The following FHIP1A variants were observed in gnomAD, a reference collection of about 807,000 sequenced individuals.
FHIP1A encodes the protein FHF complex subunit HOOK interacting protein 1A, also known as FHF complex subunit HOOK-interacting protein 1A.
FHIP1A carries 61 observed loss-of-function variants against 88.6 expected under a neutral mutation model. The observed-to-expected ratio is 0.69, with a 90% confidence interval of 0.56 to 0.85. The LOEUF (loss-of-function observed/expected upper bound fraction) is 0.85. FHIP1A is among the 40% of genes least tolerant of loss of function. The probability of loss-of-function intolerance (pLI) is 0.00; values close to 1 mark genes in which losing one functional copy is unlikely to be tolerated. For synonymous variants in FHIP1A, 478 were observed against 496.0 expected (o/e 0.96, Z 0.48); for missense variants, 1,154 against 1,273.5 (o/e 0.91, Z 1.43).
chr4:151,571,805 A>G (rs551204163), intron 4 of FHIP1A, among the ~76,000 whole-genome samples: 1 of 152,338 alleles, frequency 6.6e-6, no homozygotes, highest in Non-Finnish European at 1.5e-5. Context: ...CTCTCTTCCA[A>G]GACTTACAGG....
intron 4 of FHIP1A, among the ~76,000 whole-genome samples, chr4:151,572,791 C>T (rs1229823855): frequency 6.6e-6 from 1 of 152,086 alleles, no homozygotes; most frequent in African/African-American, 2.4e-5. Context: ...AAATAATTAC[C>T]TACTGATACA....
At chr4:151,437,348 T>C (rs1728241028) in intron 1 of FHIP1A, among the ~76,000 whole-genome samples, 1 of 152,130 alleles carries the variant, frequency 6.6e-6, no homozygotes, top group Non-Finnish European at 1.5e-5. Flanking sequence ...CTCCCAAGGA[T>C]GACCAAAAAT....
chr4:151,518,965 A>C (rs757196774), intron 3 of FHIP1A, among the ~76,000 whole-genome samples: 1 of 151,972 alleles, frequency 6.6e-6, no homozygotes, highest in Non-Finnish European at 1.5e-5. Context: ...GAGCCACCGC[A>C]CCTAGCTGCA....
Position 151,616,155 on chromosome 4 carries a change from G to A in FHIP1A, c.979-13547G>A, listed in dbSNP as rs190694195. ...GAATCAGTGGAAACTGAATTTGTAC[G>A]GCTGAGGATCTGTACTGCAGTTTCA... On this transcript the variant is annotated intron_variant, in intron 7 of 13. Coordinates refer to ENST00000435205, the MANE Select transcript of FHIP1A (RefSeq NM_001109977.3). 2.6e-5 allele frequency among the ~76,000 whole-genome samples: 4 copies of A among 152,290 alleles called. No homozygotes were observed. The East Asian group carries it at 5.8e-4, about 22-fold the overall frequency.
chr4:151,463,943 A>G (rs1729220805), intron 2 of FHIP1A, among the ~76,000 whole-genome samples: 1 of 152,160 alleles, frequency 6.6e-6, no homozygotes, highest in African/African-American at 2.4e-5. Flanking sequence ...TGATATCCAG[A>G]TCTTCCTACC....
chr4:151,504,863 G>C (rs535382071), intron 3 of FHIP1A, among the ~76,000 whole-genome samples: 100 of 152,184 alleles, frequency 6.6e-4, no homozygotes, highest in African/African-American at 2.4e-3. Flanking sequence ...GGTGATCCAC[G>C]CACCTCGGCC....
chr4:151,479,120 G>T (rs1255805152), intron 2 of FHIP1A, among the ~76,000 whole-genome samples: 1 of 152,072 alleles, frequency 6.6e-6, no homozygotes, highest in East Asian at 1.9e-4. Context: ...AGCTTTAGAA[G>T]GTTTGCTGTT....
In FHIP1A at chr4:151,527,618, TTTATTATTG is replaced by T. The variant is rs569636762; in HGVS notation, c.-122-38511_-122-38503del. Among the ~76,000 whole-genome samples, 509 of 152,232 alleles carry T rather than the reference TTTATTATTG, an allele frequency of 3.3e-3. 3 individuals are homozygous for T. The highest frequency in any genetic ancestry group is 0.012 in the African/African-American group (494 of 41,540). ...ACTTCTTAACTGCTGGAAAATTGAC[TTTATTATTG>T]TTATTATTTTTATTGGTAACACAGG... On this transcript the variant is annotated intron_variant, in intron 3 of 13. Coordinates refer to ENST00000435205, the MANE Select transcript of FHIP1A (RefSeq NM_001109977.3).
chr4:151,425,588 T>C (rs1733334316), intron 1 of FHIP1A, among the ~76,000 whole-genome samples: 1 of 152,246 alleles, frequency 6.6e-6, no homozygotes, highest in South Asian at 2.1e-4. Flanking sequence ...TTTTAGATTA[T>C]ATGATACTGT....
At chr4:151,568,152 C>T (rs978046373) in intron 4 of FHIP1A, among the ~76,000 whole-genome samples, 1 of 152,144 alleles carries the variant, frequency 6.6e-6, no homozygotes, top group African/African-American at 2.4e-5. Flanking sequence ...CTATTGGTCC[C>T]AGAATCATAT....
At chr4:151,489,670 A>AGCTG (rs1730213363) in intron 3 of FHIP1A, among the ~76,000 whole-genome samples, 2 of 152,036 alleles carry the variant, frequency 1.3e-5, no homozygotes, top group Non-Finnish European at 2.9e-5. Flanking sequence ...CCTTGCTGGG[A>AGCTG]GCTGGGTGAG....
At position 151,656,946 on chromosome 4, in the gene FHIP1A, G is replaced by A. The variant is rs1737267879; in HGVS notation, c.2869+48G>A. ...GCCCCTCCTTAAATTCCTCCTCCAC[G>A]TCCCTGGCCTACTGGCCTCAGTTCA... On this transcript the variant is annotated intron_variant, in intron 13 of 13. Transcript: ENST00000435205. The surrounding 1 kb of genome is among the most constrained non-coding windows in gnomAD (Gnocchi z 4.2). 17 of 1,516,082 alleles carry A rather than the reference G, an allele frequency of 1.1e-5. No individual in the cohort carries two copies. The highest frequency in any genetic ancestry group is 2.5e-5 in the South Asian group (2 of 79,076). 93.9% of individuals were successfully genotyped at this position (1,516,082 alleles called of 1,614,324 possible). A position where few individuals can be genotyped will look rare whatever the true frequency, so the allele number is the denominator to read the frequency against.
At chr4:151,448,653 T>C (rs1282811449) in intron 1 of FHIP1A, among the ~76,000 whole-genome samples, 1 of 152,232 alleles carries the variant, frequency 6.6e-6, no homozygotes, top group Non-Finnish European at 1.5e-5. Context: ...TCCTTCTTGA[T>C]GCTGAATACT....
At chr4:151,633,411 G>T (rs541136090) in intron 8 of FHIP1A, among the ~76,000 whole-genome samples, 1 of 151,828 alleles carries the variant, frequency 6.6e-6, no homozygotes, top group Admixed American at 6.6e-5. Flanking sequence ...AGTCCTCCTT[G>T]AACTCCTAAA....
chr4:151,609,690 C>T (rs918683015), intron 7 of FHIP1A, among the ~76,000 whole-genome samples: 19 of 152,032 alleles, frequency 1.2e-4, no homozygotes, highest in South Asian at 6.2e-4. Flanking sequence ...CTGTAAGGCA[C>T]GTGGCATGTG....
intron 1 of FHIP1A, among the ~76,000 whole-genome samples, chr4:151,437,383 C>A (rs1290198363): frequency 6.6e-6 from 1 of 152,020 alleles, no homozygotes. Context: ...CCAACATAGG[C>A]TATTTTCCTC....
chr4:151,517,993 A>G (rs1731309139), intron 3 of FHIP1A, among the ~76,000 whole-genome samples: 1 of 152,212 alleles, frequency 6.6e-6, no homozygotes, highest in Non-Finnish European at 1.5e-5. Context: ...TTGAAGAAAG[A>G]AAATATTTTA....
At chr4:151,418,289 G>A (rs1403213880) in intron 1 of FHIP1A, among the ~76,000 whole-genome samples, 1 of 151,720 alleles carries the variant, frequency 6.6e-6, no homozygotes, top group Non-Finnish European at 1.5e-5. Flanking sequence ...AAACTTAATG[G>A]TTAATGTTAA....
chr4:151,623,464 G>T, intron 7 of FHIP1A, among the ~76,000 whole-genome samples: 1 of 144,812 alleles, frequency 6.9e-6, no homozygotes, highest in Admixed American at 6.9e-5. Context: ...CCGAAAATAT[G>T]TACAGACAGG....
Sources: gnomAD v4.1 joint callset for allele counts (sites outside exome capture counted in the v4.1 genomes callset) on GRCh38, gnomAD v4.1.1 for gene constraint, Gnocchi (gnomAD v3.1) non-coding constraint, MANE v1.5 for transcripts, NCBI Gene and HGNC (gene_info 2026-07-23, HGNC 2026-07-21) for gene names.